Variants in PLEKHG4B observed in about 807,000 individuals in gnomAD.
PLEKHG4B encodes the protein pleckstrin homology and RhoGEF domain containing G4B.
Under a neutral mutation model 121.3 loss-of-function variants are expected in PLEKHG4B, and 111 were observed. The ratio of observed to expected loss-of-function variants is 0.92; its 90% confidence interval spans 0.78 to 1.07. The LOEUF is 1.07. Among genes scored for constraint, PLEKHG4B ranks in the 50% least tolerant of loss-of-function variants. The pLI, the probability that PLEKHG4B is intolerant of heterozygous loss-of-function variation, is 0.00. For synonymous variants in PLEKHG4B, 738 were observed against 725.0 expected, an observed-to-expected ratio of 1.02 and a Z score of -0.29; for missense variants, 1,831 against 1,757.8, an observed-to-expected ratio of 1.04 and a Z score of -0.74.
chr5:166,497 GTAATCTTCT>G lies in PLEKHG4B; in HGVS notation c.3477-2842_3477-2834del, dbSNP rs1736350556. Among the ~76,000 whole-genome samples, 4 of 29,366 alleles carry G rather than the reference GTAATCTTCT, an allele frequency of 1.4e-4. 2 individuals are homozygous for G. The highest frequency in any genetic ancestry group is 2.5e-3 in the South Asian group (2 of 816). The allele number at this position is 29,366 out of a possible 152,430, so 19.3% of individuals were successfully genotyped here. ...ATGCTCTGACGGGGCGGGGCTCACA[GTAATCTTCT>G]GACGGGGCGGAGCTCACACTAATGC... On this transcript the variant is annotated intron_variant, in intron 13 of 19. Coordinates refer to ENST00000637938, the MANE Select transcript of PLEKHG4B (RefSeq NM_052909.5).
intron 18 of PLEKHG4B, among the ~76,000 whole-genome samples, chr5:174,743 T>C (rs1405470988): frequency 6.6e-6 from 1 of 152,018 alleles, no homozygotes; most frequent in Non-Finnish European, 1.5e-5. Context: ...GGGTGAGGGG[T>C]ATATTTCGCA....
chr5:102,250 C>T (rs1733843399), intron 1 of PLEKHG4B, among the ~76,000 whole-genome samples: 1 of 151,856 alleles, frequency 6.6e-6, no homozygotes, highest in South Asian at 2.1e-4. Context: ...TCTAGTAGTG[C>T]CTGACATATA....
intron 2 of PLEKHG4B, among the ~76,000 whole-genome samples, chr5:121,856 G>A (rs906067182): frequency 6.6e-6 from 1 of 151,624 alleles, no homozygotes; most frequent in Non-Finnish European, 1.5e-5. Flanking sequence ...ATGCCAAAGG[G>A]TGGTCTTTAG....
rs111162223 is a variant in PLEKHG4B at position 110,464 on chromosome 5, C to G, written c.46-2787C>G. 4.0e-5 allele frequency among the ~76,000 whole-genome samples: 6 copies of G among 150,900 alleles called. No homozygotes were observed. The South Asian group carries it at 1.3e-3, about 32-fold the overall frequency. The stretch of plus-strand genomic sequence containing the variant: ...CCACACAATCTGCAACACACGTGCA[C>G]ACATCCACACAATCTGCAACACGTG... On this transcript the variant is annotated intron_variant, in intron 1 of 19. Coordinates refer to ENST00000637938, the MANE Select transcript of PLEKHG4B (RefSeq NM_052909.5).
intron 11 of PLEKHG4B, among the ~76,000 whole-genome samples, chr5:158,326 G>C (rs1421357819): frequency 5.2e-5 from 6 of 116,360 alleles, no homozygotes; most frequent in African/African-American, 6.9e-5. Context: ...TCCTCCCTCT[G>C]CCCATCCTGG....
intron 5 of PLEKHG4B, among the ~76,000 whole-genome samples, chr5:144,542 G>A (rs7719722): frequency 0.19 from 28,279 of 152,078 alleles, 3,629 homozygotes; most frequent in African/African-American, 0.36. Flanking sequence ...GGCCCATTTC[G>A]TCCATCCAGG....
chr5:172,572 G>T (rs534490990), intron 16 of PLEKHG4B, among the ~76,000 whole-genome samples: 47 of 152,358 alleles, frequency 3.1e-4, no homozygotes, highest in African/African-American at 1.1e-3. Flanking sequence ...CGTATGACCC[G>T]GGAACGGGGG....
rs368262746 is a variant in PLEKHG4B, at chr5:156,853, G to A, written c.2429G>A (p.Arg810His). 53 of 1,607,310 alleles carry A rather than the reference G, an allele frequency of 3.3e-5. No individual in the cohort carries two copies. In the Middle Eastern group the frequency reaches 5.0e-4, roughly 15 times the overall value. ...VHRLVLTSNN[R>H]LQQLEHLREL... ...AGGCTGGTCCTCACCTCGAACAATC[G>A]TCTCCAGCAGCTGGAGCACCTCCGG... Residue 810 changes from arginine to histidine, a missense_variant, in exon 11 of 20, where the codon CGT becomes CAT. Coordinates refer to ENST00000637938, the MANE Select transcript of PLEKHG4B (RefSeq NM_052909.5). The surrounding 1 kb of genome is among the most constrained non-coding windows in gnomAD (Gnocchi z 4.4).
intron 18 of PLEKHG4B, among the ~76,000 whole-genome samples, chr5:180,670 C>T (rs1736903006): frequency 6.6e-6 from 1 of 152,218 alleles, no homozygotes; most frequent in South Asian, 2.1e-4. Flanking sequence ...AAACCCACTG[C>T]AGCCAGAGCA....
In PLEKHG4B at chr5:186,317, A is replaced by C. The variant is rs919962981; in HGVS notation, c.*3994A>C. 6.6e-6 allele frequency: 1 copy of C among 152,254 alleles called. No homozygotes were observed. The highest frequency in any genetic ancestry group is 6.5e-5 in the Admixed American group (1 of 15,292). 9.4% of individuals were successfully genotyped at this position (152,254 alleles called of 1,614,324 possible). ...TTAGGAAACACCTGTTTCCAGGCAGAGTAATGCTTCTGTCTGAATCAGGCC... is the reference window on the plus strand; with the variant it reads ...TTAGGAAACACCTGTTTCCAGGCAGCGTAATGCTTCTGTCTGAATCAGGCC... On this transcript the variant is annotated 3_prime_UTR_variant, in exon 20 of 20. Transcript: ENST00000637938.
rs775759092 is a variant in PLEKHG4B at position 162,735 on chromosome 5, T to TG, written c.2667dup (p.Pro890AlafsTer14). 2.7e-6 allele frequency: 4 copies of TG among 1,455,460 alleles called. No homozygotes were observed. Among genetic ancestry groups the TG allele is most frequent in the Non-Finnish European group, 2.7e-6 (3 of 1,102,572 alleles). The allele number at this position is 1,455,460 out of a possible 1,614,324, so 90.2% of individuals were successfully genotyped here. On this transcript the variant is annotated frameshift_variant, in exon 13 of 20. Transcript: ENST00000637938. LOFTEE classifies it high-confidence loss of function. ...CTTGTCCCACAGGTGAGCAGCTGGA[T>TG]GGGGCCCCTGGACCCGGAGGCTTGT... is the stretch of plus-strand genomic sequence containing the variant.
At chr5:149,824 A>G (rs1735544319) in intron 6 of PLEKHG4B, among the ~76,000 whole-genome samples, 1 of 152,206 alleles carries the variant, frequency 6.6e-6, no homozygotes, top group Non-Finnish European at 1.5e-5. Flanking sequence ...CCTCAATTAA[A>G]TACCACTTCC....
intron 1 of PLEKHG4B, among the ~76,000 whole-genome samples, chr5:102,789 A>C (rs1350568841): frequency 1.3e-5 from 2 of 152,198 alleles, no homozygotes; most frequent in Non-Finnish European, 1.5e-5. Flanking sequence ...CACTAGCACT[A>C]ACACTCCACC....
Position 156,207 on chromosome 5 carries a change from G to A in PLEKHG4B, c.2345G>A (p.Ser782Asn). 2.6e-6 allele frequency: 4 copies of A among 1,510,238 alleles called. No homozygotes were observed. Among genetic ancestry groups the A allele is most frequent in the South Asian group, 2.6e-5 (2 of 76,592 alleles). The allele number at this position is 1,510,238 out of a possible 1,614,324, so 93.6% of individuals were successfully genotyped here. ...LRREELGTED[S>N]RDTLEAATSL... ...AGAGAAGAGCTTGGCACAGAAGACA[G>A]CCGGTGAGCGCTCACAGGGGTCATG... The change falls in exon 10 of 20, where the codon AGC (serine) becomes AAC (asparagine). Residue 782 changes from serine (S) to asparagine (N), a missense_variant. By Grantham distance (46) the Ser-to-Asn change is conservative. Transcript: ENST00000637938. This position sits in a 1 kb window ranked among gnomAD's most constrained non-coding sequence, Gnocchi z 4.4.
At chr5:181,884 TG>T in intron 19 of PLEKHG4B, 119 bp from the exon 20 acceptor site, 2 of 1,311,648 alleles carry the variant, frequency 1.5e-6, no homozygotes, top group Non-Finnish European at 2.1e-6. Flanking sequence ...GTGGGTTGGA[TG>T]GGCATGACTG....
chr5:147,054 G>A (rs1236832073), intron 6 of PLEKHG4B, among the ~76,000 whole-genome samples: 1 of 152,204 alleles, frequency 6.6e-6, no homozygotes. Flanking sequence ...TGGGCCAGCA[G>A]AAATTGGCTG....
In PLEKHG4B at chr5:156,123, A is replaced by G; in HGVS notation, c.2261A>G (p.Glu754Gly). The stretch of plus-strand genomic sequence containing the variant: ...GAGACGATGATGAAGCTTGTCCTGG[A>G]AGACCCACTGCTTGTGTCTCTCAGG... Reference protein sequence around the residue: ...QHETMMKLVLEDPLLVSLRLE... With the variant: ...QHETMMKLVLGDPLLVSLRLE... The change falls in exon 10 of 20, where the codon GAA (glutamate) becomes GGA (glycine). Residue 754 changes from glutamate (E) to glycine (G), a missense_variant. Physicochemically the swap from Glu to Gly is moderately conservative, Grantham distance 98. Coordinates refer to ENST00000637938, the MANE Select transcript of PLEKHG4B (RefSeq NM_052909.5). The surrounding 1 kb of genome is among the most constrained non-coding windows in gnomAD (Gnocchi z 4.4). 1 of 1,600,094 alleles carries G rather than the reference A, an allele frequency of 6.2e-7. No individual in the cohort carries two copies. Among genetic ancestry groups the G allele is most frequent in the South Asian group, 1.1e-5 (1 of 89,106 alleles).
rs1734232761 is a variant in PLEKHG4B at position 113,992 on chromosome 5, C to G, written c.243+544C>G. Among the ~76,000 whole-genome samples, 1 of 152,172 alleles carries G rather than the reference C, an allele frequency of 6.6e-6. No individual in the cohort carries two copies. The highest frequency in any genetic ancestry group is 1.9e-4 in the East Asian group (1 of 5,198). On this transcript the variant is annotated intron_variant, in intron 2 of 19. Coordinates refer to ENST00000637938, the MANE Select transcript of PLEKHG4B (RefSeq NM_052909.5). This position sits in a 1 kb window ranked among gnomAD's most constrained non-coding sequence, Gnocchi z 5.2. ...CCAGACACACAAAGTTTTTGGTTTC[C>G]CAGCGCATATACAAGTTACGTTTAC... is the stretch of plus-strand genomic sequence containing the variant.
At chr5:133,468 C>G (rs1560915557) in intron 2 of PLEKHG4B, among the ~76,000 whole-genome samples, 1 of 151,880 alleles carries the variant, frequency 6.6e-6, no homozygotes, top group East Asian at 1.9e-4. Flanking sequence ...AAAAAGTGGG[C>G]TAAGGACATG....
Sources: allele counts gnomAD v4.1 joint callset (sites outside exome capture counted in the v4.1 genomes callset), GRCh38; gene constraint gnomAD v4.1.1; non-coding constraint Gnocchi (gnomAD v3.1); transcripts MANE v1.5; gene names NCBI Gene and HGNC (gene_info 2026-07-23, HGNC 2026-07-21).